The following RTRAF variants were observed in gnomAD, a reference collection of about 807,000 sequenced individuals.
The protein encoded by RTRAF is tRNA-splicing ligase complex subunit RTRAF.
RTRAF carries 14 observed loss-of-function variants against 34.4 expected under a neutral mutation model. The observed-to-expected ratio is 0.41, with a 90% CI of 0.27 to 0.64. RTRAF has a LOEUF of 0.64. RTRAF is among the 30% of genes least tolerant of loss of function. The pLI is 0.34. For synonymous variants in RTRAF, 96 were observed against 95.3 expected, an observed-to-expected ratio of 1.01 and a Z score of -0.04; for missense variants, 291 against 288.4, an observed-to-expected ratio of 1.01 and a Z score of -0.06.
At chr14:51,995,812 A>G (rs1890511997) in intron 3 of RTRAF, among the ~76,000 whole-genome samples, 1 of 149,538 alleles carries the variant, frequency 6.7e-6, no homozygotes. Flanking sequence ...ATTTAATTTA[A>G]AAAAAAAAAA....
chr14:52,001,436 C>T (rs1009258912), intron 5 of RTRAF, among the ~76,000 whole-genome samples: 2 of 152,116 alleles, frequency 1.3e-5, no homozygotes, highest in East Asian at 1.9e-4. Context: ...CTCGTCATTT[C>T]GCAGTTTTAG....
In RTRAF at chr14:52,004,166, C is replaced by T. The variant is rs754977231; in HGVS notation, c.532-28C>T. On this transcript the variant is annotated intron_variant, in intron 6 of 7. Transcript: ENST00000261700. ...AGGATGCTATTCTTAACCATAAATACTCTCATTTTGTCTTTCTTTTTTTAA... is the reference window on the plus strand; with the variant it reads ...AGGATGCTATTCTTAACCATAAATATTCTCATTTTGTCTTTCTTTTTTTAA... 100 of 1,586,344 alleles carry T rather than the reference C, an allele frequency of 6.3e-5. 1 individual carries two copies. In the East Asian group the frequency reaches 2.2e-3, roughly 35 times the overall value.
rs1890837254 is a variant in RTRAF, at chr14:52,007,620, C to T, written c.*3104C>T. 3 of 600,102 alleles carry T rather than the reference C, an allele frequency of 5.0e-6. No homozygotes were observed. The highest frequency in any genetic ancestry group is 8.8e-6 in the Non-Finnish European group (3 of 341,484). The allele number at this position is 600,102 out of a possible 1,614,324, so 37.2% of individuals were successfully genotyped here. ...AAACTTACTGCTTGATATATCCTTC[C>T]CTCCACCCAAACCCCAGAAAGTTCA... On this transcript the variant is annotated 3_prime_UTR_variant, in exon 8 of 8. Transcript: ENST00000261700.
chr14:51,989,664 C>G lies in RTRAF; in HGVS notation c.25C>G (p.Leu9Val). 6.2e-7 allele frequency: 1 copy of G among 1,606,858 alleles called. No individual in the cohort carries two copies. The highest frequency in any genetic ancestry group is 8.5e-7 in the Non-Finnish European group (1 of 1,177,052). Residue 9 changes from leucine to valine, a missense_variant, in exon 1 of 8, where the codon CTC (leucine) becomes GTC (valine). Physicochemically the swap from Leu to Val is conservative, Grantham distance 32. Coordinates refer to ENST00000261700, the MANE Select transcript of RTRAF (RefSeq NM_016039.3). ...CATGTTCCGACGCAAGTTGACGGCTCTCGACTACCACAACCCCGCCGGCTT... is the reference window on the plus strand; with the variant it reads ...CATGTTCCGACGCAAGTTGACGGCTGTCGACTACCACAACCCCGCCGGCTT... MFRRKLTA[L>V]DYHNPAGFNC...
At chr14:51,992,770 C>T (rs1042393080) in intron 2 of RTRAF, among the ~76,000 whole-genome samples, 1 of 152,110 alleles carries the variant, frequency 6.6e-6, no homozygotes, top group African/African-American at 2.4e-5. Context: ...GTGGCTCATG[C>T]CTATAATCCA....
chr14:52,007,739 A>T lies in RTRAF; in HGVS notation c.*3223A>T, dbSNP rs143682888. On this transcript the variant is annotated 3_prime_UTR_variant, in exon 8 of 8. Coordinates refer to ENST00000261700, the MANE Select transcript of RTRAF (RefSeq NM_016039.3). ...TCTAAGTGATGGGATTTCATTTTGT[A>T]GTAAAATCTGTTAGTGCTCACATTC... 4.3e-4 allele frequency: 559 copies of T among 1,305,124 alleles called. No individual in the cohort carries two copies. The African/African-American group carries it at 7.6e-3, about 18-fold the overall frequency. The allele number at this position is 1,305,124 out of a possible 1,614,324, so 80.8% of individuals were successfully genotyped here.
chr14:51,994,604 T>C (rs1411824700), intron 3 of RTRAF, among the ~76,000 whole-genome samples: 1 of 152,202 alleles, frequency 6.6e-6, no homozygotes, highest in Non-Finnish European at 1.5e-5. Flanking sequence ...TAGTGTCACC[T>C]TCTGTTCTTA....
At chr14:51,993,230 T>G (rs1487120123) in intron 2 of RTRAF, among the ~76,000 whole-genome samples, 1 of 152,174 alleles carries the variant, frequency 6.6e-6, no homozygotes, top group East Asian at 1.9e-4. Context: ...TATGCAACAT[T>G]TATTTGAATA....
chr14:52,007,621 C>G lies in RTRAF; in HGVS notation c.*3105C>G, dbSNP rs866162481. 3 of 603,540 alleles carry G rather than the reference C, an allele frequency of 5.0e-6. No individual in the cohort carries two copies. The highest frequency in any genetic ancestry group is 8.7e-6 in the Non-Finnish European group (3 of 343,888). 37.4% of individuals were successfully genotyped at this position (603,540 alleles called of 1,614,324 possible). ...AACTTACTGCTTGATATATCCTTCCCTCCACCCAAACCCCAGAAAGTTCAT... is the reference window on the plus strand; with the variant it reads ...AACTTACTGCTTGATATATCCTTCCGTCCACCCAAACCCCAGAAAGTTCAT... On this transcript the variant is annotated 3_prime_UTR_variant, in exon 8 of 8. Coordinates refer to ENST00000261700, the MANE Select transcript of RTRAF (RefSeq NM_016039.3).
rs1001225847 is a variant in RTRAF at position 52,005,417 on chromosome 14, T to G, written c.*901T>G. 3 of 1,434,350 alleles carry G rather than the reference T, an allele frequency of 2.1e-6. No homozygotes were observed. In the African/African-American group the frequency reaches 4.3e-5, roughly 20 times the overall value. The allele number at this position is 1,434,350 out of a possible 1,614,324, so 88.9% of individuals were successfully genotyped here. A position where few individuals can be genotyped will look rare whatever the true frequency, so the allele number is the denominator to read the frequency against. ...AATTCCTTTTTTACTTTCTTTGCCT[T>G]TGCAGTCACTGTTCTTTAGGGTCCA... On this transcript the variant is annotated 3_prime_UTR_variant, in exon 8 of 8. Transcript: ENST00000261700.
intron 6 of RTRAF, among the ~76,000 whole-genome samples, chr14:52,003,849 A>G (rs1890654763): frequency 6.6e-6 from 1 of 152,250 alleles, no homozygotes; most frequent in South Asian, 2.1e-4. Flanking sequence ...TGTCGCCAAA[A>G]TAAGACAGTA....
chr14:51,990,187 A>G (rs190423726), intron 1 of RTRAF, among the ~76,000 whole-genome samples: 1 of 152,284 alleles, frequency 6.6e-6, no homozygotes, highest in African/African-American at 2.4e-5. Context: ...ACAGTACACA[A>G]TGAAATCAGG....
intron 4 of RTRAF, chr14:51,999,349 G>A (rs188730245): frequency 7.4e-5 from 13 of 176,704 alleles, no homozygotes; most frequent in Non-Finnish European, 1.4e-4. Flanking sequence ...TTAATACCCC[G>A]GAAGACCCAT....
chr14:51,989,682 G>A lies in RTRAF; in HGVS notation c.43G>A (p.Ala15Thr). 1.9e-6 allele frequency: 3 copies of A among 1,604,728 alleles called. No homozygotes were observed. Among genetic ancestry groups the A allele is most frequent in the Admixed American group, 1.7e-5 (1 of 59,270 alleles). Residue 15 changes from alanine to threonine, a missense_variant, in exon 1 of 8, where the codon GCC (alanine) becomes ACC (threonine). Transcript: ENST00000261700. The stretch of plus-strand genomic sequence containing the variant: ...GACGGCTCTCGACTACCACAACCCC[G>A]CCGGCTTCAACTGCAAAGGTGAGGC... ...KLTALDYHNP[A>T]GFNCKDETEF... is the part of the protein sequence containing the mutation.
rs6572806 is a variant in RTRAF at position 51,994,227 on chromosome 14, T to C, written c.286+405T>C. On this transcript the variant is annotated intron_variant, in intron 3 of 7. Coordinates refer to ENST00000261700, the MANE Select transcript of RTRAF (RefSeq NM_016039.3). ...TCTATAGGCCAGAATATATTACTTA[T>C]GTTTACTGTCTTAGCACAGATACTT... 8.6e-3 allele frequency among the ~76,000 whole-genome samples: 1,317 copies of C among 152,376 alleles called. 13 individuals carry two copies. Among genetic ancestry groups the C allele is most frequent in the Middle Eastern group, 0.044 (13 of 294 alleles).
chr14:51,992,141 G>A (rs1890443859), intron 2 of RTRAF, among the ~76,000 whole-genome samples: 1 of 152,118 alleles, frequency 6.6e-6, no homozygotes, highest in African/African-American at 2.4e-5. Flanking sequence ...ATATTTTTGT[G>A]CCTTGAATCA....
intron 3 of RTRAF, among the ~76,000 whole-genome samples, chr14:51,995,385 T>C: frequency 6.6e-6 from 1 of 152,094 alleles, no homozygotes; most frequent in East Asian, 1.9e-4. Context: ...AGCATAGCAT[T>C]TTCCAGTCTC....
chr14:52,007,476 A>G lies in RTRAF; in HGVS notation c.*2960A>G. 1 of 286,454 alleles carries G rather than the reference A, an allele frequency of 3.5e-6. No homozygotes were observed. The allele number at this position is 286,454 out of a possible 1,614,324, so 17.7% of individuals were successfully genotyped here. On this transcript the variant is annotated 3_prime_UTR_variant, in exon 8 of 8. Coordinates refer to ENST00000261700, the MANE Select transcript of RTRAF (RefSeq NM_016039.3). ...GCATTATAACAGATGTTTATAGGTA[A>G]GTTATAGTGACCCTCTCCCCGCATA...
chr14:52,004,156 A>G (rs780241692), intron 6 of RTRAF, 38 bp from the exon 7 acceptor site: 5 of 1,557,208 alleles, frequency 3.2e-6, no homozygotes, highest in Non-Finnish European at 4.4e-6. Flanking sequence ...GCTATTCTTA[A>G]CCATAAATAC....
Sources: allele counts gnomAD v4.1 joint callset (sites outside exome capture counted in the v4.1 genomes callset), GRCh38; gene constraint gnomAD v4.1.1; transcripts MANE v1.5; gene names NCBI Gene and HGNC (gene_info 2026-07-23, HGNC 2026-07-21).